CMIP: variants seen among roughly 807,000 people sequenced by gnomAD.
The protein encoded by CMIP is c-Maf inducing protein.
Under a neutral mutation model 97.3 loss-of-function variants are expected in CMIP, and 13 were observed. The ratio of observed to expected loss-of-function variants is 0.13; its 90% CI spans 0.09 to 0.21. CMIP has a LOEUF of 0.21. Among genes scored for constraint, CMIP ranks in the 10% least tolerant of loss-of-function variants. The pLI, the probability that CMIP is intolerant of heterozygous loss-of-function variation, is 1.00. For synonymous variants in CMIP, 538 were observed against 436.3 expected (o/e 1.23, Z -2.91); for missense variants, 847 against 1,024.9 (o/e 0.83, Z 2.37).
intron 1 of CMIP, among the ~76,000 whole-genome samples, chr16:81,561,993 G>A (rs191383217): frequency 2.0e-5 from 3 of 152,126 alleles, no homozygotes; most frequent in East Asian, 1.9e-4. Context: ...TAAATACCTC[G>A]GGCAGAGGAC....
At chr16:81,608,544 C>T (rs1033900538) in intron 2 of CMIP, among the ~76,000 whole-genome samples, 7 of 151,994 alleles carry the variant, frequency 4.6e-5, no homozygotes, top group African/African-American at 1.7e-4. Flanking sequence ...TTGGCTCTGC[C>T]GTGTTCCCAT....
intron 1 of CMIP, among the ~76,000 whole-genome samples, chr16:81,507,397 A>G (rs1352341189): frequency 6.6e-6 from 1 of 152,174 alleles, no homozygotes; most frequent in Non-Finnish European, 1.5e-5. Context: ...GGAGTTTGAG[A>G]AACCATAGGC....
At chr16:81,465,883 G>T (rs1160056444) in intron 1 of CMIP, among the ~76,000 whole-genome samples, 1 of 152,224 alleles carries the variant, frequency 6.6e-6, no homozygotes, top group Non-Finnish European at 1.5e-5. Flanking sequence ...GGGCTGGGCT[G>T]TGGGGTGAAC....
intron 1 of CMIP, among the ~76,000 whole-genome samples, chr16:81,598,968 C>CAAAAAA (rs141717317): frequency 0.073 from 3,607 of 49,700 alleles, 268 homozygotes; most frequent in East Asian, 0.23. Context: ...GACTCTGTCT[C>CAAAAAA]AAAAAAAAAA....
intron 3 of CMIP, among the ~76,000 whole-genome samples, chr16:81,634,402 G>C (rs565647718): frequency 8.2e-4 from 125 of 152,272 alleles, no homozygotes; most frequent in African/African-American, 3.0e-3. Flanking sequence ...GCCTCCTTCT[G>C]TAACCATTTC....
At chr16:81,568,859 A>G (rs1441118865) in intron 1 of CMIP, among the ~76,000 whole-genome samples, 2 of 152,330 alleles carry the variant, frequency 1.3e-5, no homozygotes, top group Admixed American at 1.3e-4. Context: ...GGCCCAGTTG[A>G]CAATTGAAGG....
intron 3 of CMIP, among the ~76,000 whole-genome samples, chr16:81,635,972 G>T (rs1315678230): frequency 6.6e-6 from 1 of 152,130 alleles, no homozygotes; most frequent in Non-Finnish European, 1.5e-5. Context: ...CATGGATTCA[G>T]GGGGTGGCGG....
chr16:81,603,712 A>AC (rs1322776788), intron 1 of CMIP, among the ~76,000 whole-genome samples: 2 of 152,126 alleles, frequency 1.3e-5, no homozygotes, highest in Non-Finnish European at 2.9e-5. Flanking sequence ...TTTAATGAGC[A>AC]CTGGTCAGGA....
intron 1 of CMIP, among the ~76,000 whole-genome samples, chr16:81,603,850 G>T (rs1453606636): frequency 6.6e-6 from 1 of 152,208 alleles, no homozygotes; most frequent in Non-Finnish European, 1.5e-5. Context: ...TCGTTTGATT[G>T]CGTTCTTTAG....
At chr16:81,498,823 C>G (rs1249696823) in intron 1 of CMIP, among the ~76,000 whole-genome samples, 1 of 152,198 alleles carries the variant, frequency 6.6e-6, no homozygotes, top group Non-Finnish European at 1.5e-5. Flanking sequence ...CTTCCTGCCC[C>G]TGCGTGTGCA....
intron 10 of CMIP, among the ~76,000 whole-genome samples, chr16:81,688,713 G>A (rs1597252523): frequency 6.6e-6 from 1 of 152,032 alleles, no homozygotes; most frequent in African/African-American, 2.4e-5. Context: ...CAATGTGCAG[G>A]TTTGTTACAT....
chr16:81,597,426 C>T (rs1328177723), intron 1 of CMIP, among the ~76,000 whole-genome samples: 1 of 152,212 alleles, frequency 6.6e-6, no homozygotes, highest in Non-Finnish European at 1.5e-5. Context: ...CTTCCCAGCT[C>T]TCTCCTGAAT....
intron 1 of CMIP, among the ~76,000 whole-genome samples, chr16:81,574,938 A>G (rs756020123): frequency 6.6e-6 from 1 of 152,184 alleles, no homozygotes; most frequent in Non-Finnish European, 1.5e-5. Context: ...GAGCATTTGC[A>G]TAGGGCATTC....
chr16:81,539,757 G>C (rs148809608), intron 1 of CMIP, among the ~76,000 whole-genome samples: 1 of 152,044 alleles, frequency 6.6e-6, no homozygotes, highest in Non-Finnish European at 1.5e-5. Context: ...AATTCCCTCC[G>C]CCTCATCTTC....
intron 9 of CMIP, among the ~76,000 whole-genome samples, chr16:81,672,925 C>T (rs867319044): frequency 2.0e-5 from 3 of 152,198 alleles, no homozygotes; most frequent in Non-Finnish European, 2.9e-5. Context: ...TGCTGGAGAG[C>T]GAGCAAGATC....
At chr16:81,450,852 C>T (rs777842752) in intron 1 of CMIP, among the ~76,000 whole-genome samples, 5 of 152,232 alleles carry the variant, frequency 3.3e-5, no homozygotes, top group Non-Finnish European at 5.9e-5. Flanking sequence ...TTCCCTTACT[C>T]GACGTCCACA....
At chr16:81,481,286 G>T (rs761002174) in intron 1 of CMIP, among the ~76,000 whole-genome samples, 1 of 152,212 alleles carries the variant, frequency 6.6e-6, no homozygotes, top group Non-Finnish European at 1.5e-5. Context: ...ATCTGGGTGT[G>T]CCGGGCCCTG....
At chr16:81,450,178 G>A (rs1906121171) in intron 1 of CMIP, among the ~76,000 whole-genome samples, 1 of 152,244 alleles carries the variant, frequency 6.6e-6, no homozygotes, top group Non-Finnish European at 1.5e-5. Flanking sequence ...ACTGCTGCCA[G>A]CCAGGACTGA....
chr16:81,674,165 G>A (rs557427262), intron 9 of CMIP, among the ~76,000 whole-genome samples: 6 of 152,190 alleles, frequency 3.9e-5, no homozygotes, highest in Non-Finnish European at 8.8e-5. Flanking sequence ...CTGATCAGAA[G>A]GAAGTGCAGG....
Sources: allele counts gnomAD v4.1 joint callset (sites outside exome capture counted in the v4.1 genomes callset), GRCh38; gene constraint gnomAD v4.1.1; transcripts MANE v1.5; gene names NCBI Gene and HGNC (gene_info 2026-07-23, HGNC 2026-07-21).